Variants in PEX6 observed in about 807,000 individuals in gnomAD.
PEX6 encodes the protein peroxisomal biogenesis factor 6, also known as peroxisome biogenesis factor 6.
In PEX6, 55 loss-of-function variants were observed where a neutral mutation model predicts 85.6. The ratio of observed to expected loss-of-function variants is 0.64; its 90% CI spans 0.52 to 0.80. The LOEUF is 0.80. PEX6 is among the 30% of genes least tolerant of loss of function. The pLI is 0.00. For missense variants in PEX6, 1,099 were observed against 1,260.3 expected (o/e 0.87, Z 1.94); for synonymous variants, 519 against 549.1 (o/e 0.95, Z 0.77).
Position 42,979,030 on chromosome 6 carries a change from T to TCAGGGCCAGCAC in PEX6, c.109_120dup (p.Val37_Leu40dup). ...CCTGCCGGGCTCTCCCCTGCAGGCC[T>TCAGGGCCAGCAC]CAGGGCCAGCACCAGGCCCAGCTCC... is the stretch of plus-strand genomic sequence containing the variant. On this transcript the variant is annotated inframe_insertion, in exon 1 of 17. Coordinates refer to ENST00000304611, the MANE Select transcript of PEX6 (RefSeq NM_000287.4). 1 of 1,531,406 alleles carries TCAGGGCCAGCAC rather than the reference T, an allele frequency of 6.5e-7. No individual in the cohort carries two copies. Among genetic ancestry groups the TCAGGGCCAGCAC allele is most frequent in the African/African-American group, 1.4e-5 (1 of 72,880 alleles). The allele number at this position is 1,531,406 out of a possible 1,614,324, so 94.9% of individuals were successfully genotyped here.
At chr6:42,977,663 G>A (rs907044641) in intron 1 of PEX6, among the ~76,000 whole-genome samples, 3 of 148,718 alleles carry the variant, frequency 2.0e-5, no homozygotes, top group Non-Finnish European at 4.5e-5. Context: ...GCCAGTAGTA[G>A]GAGGCTGAGA....
In PEX6 at chr6:42,974,070, C is replaced by T. The variant is rs1770167738; in HGVS notation, c.1063G>A (p.Asp355Asn). 1 of 1,613,948 alleles carries T rather than the reference C, an allele frequency of 6.2e-7. No individual in the cohort carries two copies. The highest frequency in any genetic ancestry group is 8.5e-7 in the Non-Finnish European group (1 of 1,179,868). The change falls in exon 3 of 17, where the codon GAT becomes AAT. Residue 355 changes from aspartate (D) to asparagine (N), a missense_variant. Physicochemically the swap from Asp to Asn is conservative, Grantham distance 23. Coordinates refer to ENST00000304611, the MANE Select transcript of PEX6 (RefSeq NM_000287.4). ...FQIPRVVQEGDVLCVPTIGQV... is the reference protein window; with the variant it reads ...FQIPRVVQEGNVLCVPTIGQV... ...CCAATTGTTGGCACACATAGAACAT[C>T]CCCTTCCTGGACTACCCTGCAACAC...
rs1315935379 is a variant in PEX6, at chr6:42,974,008, C to A, written c.1125G>T (p.Leu375=). The change falls in exon 3 of 17, where the codon CTG becomes CTT. Residue 375 remains leucine, a synonymous_variant. Coordinates refer to ENST00000304611, the MANE Select transcript of PEX6 (RefSeq NM_000287.4). The part of the protein sequence containing the change: ...VEILEGSPEK[L]PRWREMFFKV... The stretch of plus-strand genomic sequence containing the variant: ...GACAGAAGGCAGCTGCATACCTGGG[C>A]AGTTTCTCTGGACTTCCTTCCAGGA... The A allele has an allele frequency of 4.3e-6, 7 of 1,612,646 alleles. No individual in the cohort carries two copies. Among genetic ancestry groups the A allele is most frequent in the Non-Finnish European group, 5.9e-6 (7 of 1,178,742 alleles).
At chr6:42,969,625 T>TA (rs746760742) in intron 5 of PEX6, 43 bp downstream of exon 5, 1 of 1,611,472 alleles carries the variant, frequency 6.2e-7, no homozygotes, top group Non-Finnish European at 8.5e-7. Context: ...AGGGATGTTC[T>TA]AAGCAGGCTT....
Position 42,965,717 on chromosome 6 carries a change from C to T in PEX6, c.2435G>A (p.Arg812Gln), listed in dbSNP as rs61753229. ...FDELDSLAPS[R>Q]GRSGDSGGVM... is the part of the protein sequence containing the mutation. ...TCCTCCAGAATCTCCACTTCGCCCCCGGCTTGGGGCCAAAGAGTCCAGTTC... is the reference window on the plus strand; with the variant it reads ...TCCTCCAGAATCTCCACTTCGCCCCTGGCTTGGGGCCAAAGAGTCCAGTTC... The change falls in exon 13 of 17, where the codon CGG (arginine) becomes CAG (glutamine). Residue 812 changes from arginine to glutamine, a missense_variant. Arg to Gln is a conservative substitution (Grantham distance 43). Coordinates refer to ENST00000304611, the MANE Select transcript of PEX6 (RefSeq NM_000287.4). The surrounding 1 kb of genome is among the most constrained non-coding windows in gnomAD (Gnocchi z 5.0). 8.7e-6 allele frequency: 14 copies of T among 1,613,976 alleles called. No individual in the cohort carries two copies. The highest frequency in any genetic ancestry group is 1.7e-5 in the Admixed American group (1 of 60,006).
intron 1 of PEX6, among the ~76,000 whole-genome samples, chr6:42,976,126 T>C (rs1474037663): frequency 6.6e-6 from 1 of 152,024 alleles, no homozygotes. Flanking sequence ...TCTCCTGACC[T>C]TGTGATCTGC....
Position 42,978,985 on chromosome 6 carries a change from C to G in PEX6, c.166G>C (p.Ala56Pro). Residue 56 changes from alanine to proline, a missense_variant, in exon 1 of 17, where the codon GCC (alanine) becomes CCC (proline). Transcript: ENST00000304611. ...SPAGPALLVA[A>P]LEGPDAGTEE... is the part of the protein sequence containing the mutation. ...GTGCCCGCGTCCGGCCCCTCCAGGGCTGCCACCAGCAGCGCCGGCCCTGCC... is the reference window on the plus strand; with the variant it reads ...GTGCCCGCGTCCGGCCCCTCCAGGGGTGCCACCAGCAGCGCCGGCCCTGCC... 6.6e-7 allele frequency: 1 copy of G among 1,511,466 alleles called. No homozygotes were observed. Among genetic ancestry groups the G allele is most frequent in the Non-Finnish European group, 8.8e-7 (1 of 1,137,386 alleles). 93.6% of individuals were successfully genotyped at this position (1,511,466 alleles called of 1,614,324 possible). A position where few individuals can be genotyped will look rare whatever the true frequency, so the allele number is the denominator to read the frequency against.
intron 10 of PEX6, 26 bp from the exon 11 acceptor site, chr6:42,966,473 G>C: frequency 6.2e-7 from 1 of 1,614,126 alleles, no homozygotes. Flanking sequence ...TGCGTGGTTG[G>C]GATATGCTCT....
chr6:42,975,360 T>C (rs9462857), intron 1 of PEX6, among the ~76,000 whole-genome samples: 62,121 of 152,060 alleles, frequency 0.41, 13,018 homozygotes, highest in Non-Finnish European at 0.45. Flanking sequence ...ACACCAGGCA[T>C]CCACAGGGAT....
Position 42,965,737 on chromosome 6 carries a change from C to G in PEX6, c.2415G>C (p.Leu805=), listed in dbSNP as rs1232284111. ...GCCCCCGGCTTGGGGCCAAAGAGTC[C>G]AGTTCATCAAAGAAGATAATGCATG... ...AAPCIIFFDE[L]DSLAPSRGRS... Residue 805 remains leucine, a synonymous_variant, in exon 13 of 17, where the codon CTG becomes CTC. Transcript: ENST00000304611. The surrounding 1 kb of genome is among the most constrained non-coding windows in gnomAD (Gnocchi z 5.0). The G allele has an allele frequency of 6.2e-7, 1 of 1,613,934 alleles. No individual in the cohort carries two copies. Among genetic ancestry groups the G allele is most frequent in the Non-Finnish European group, 8.5e-7 (1 of 1,180,010 alleles).
rs2114238184 is a variant in PEX6 at position 42,965,593 on chromosome 6, T to C, written c.2471+88A>G. ...TCAGAACTGAAACAGCAGGAACTTC[T>C]ATCTCTGGACTCTGAAGACTGCTGT... On this transcript the variant is annotated intron_variant, in intron 13 of 16. Transcript: ENST00000304611. The surrounding 1 kb of genome is among the most constrained non-coding windows in gnomAD (Gnocchi z 5.0). The C allele has an allele frequency of 3.0e-6, 3 of 1,012,342 alleles. No individual in the cohort carries two copies. Among genetic ancestry groups the C allele is most frequent in the South Asian group, 1.3e-5 (1 of 78,348 alleles). 62.7% of individuals were successfully genotyped at this position (1,012,342 alleles called of 1,614,324 possible).
At position 42,965,245 on chromosome 6, in the gene PEX6, G is replaced by A; in HGVS notation, c.2588+7C>T. On this transcript the variant is annotated splice_region_variant and intron_variant, in intron 14 of 16. Transcript: ENST00000304611. The surrounding 1 kb of genome is among the most constrained non-coding windows in gnomAD (Gnocchi z 5.0). Reference sequence around the variant, plus strand: ...GAGGGTGGAGATGAGCAGTACAAGGGGCCCACCTGCCAGGCCGCAGAAGGG... The same window carrying A: ...GAGGGTGGAGATGAGCAGTACAAGGAGCCCACCTGCCAGGCCGCAGAAGGG... 6.2e-7 allele frequency: 1 copy of A among 1,611,610 alleles called. No homozygotes were observed. The highest frequency in any genetic ancestry group is 8.5e-7 in the Non-Finnish European group (1 of 1,177,676).
At position 42,966,321 on chromosome 6, in the gene PEX6, G is replaced by A. The variant is rs558449356; in HGVS notation, c.2221C>T (p.Leu741=). The change falls in exon 11 of 17, where the codon CTG becomes TTG. Residue 741 remains leucine (L), a synonymous_variant. Coordinates refer to ENST00000304611, the MANE Select transcript of PEX6 (RefSeq NM_000287.4). Reference sequence around the variant, plus strand: ...CCGGTGCCAGGGGGCCCATGGAGCAGAAGGCCTGAGCGTCTCAGGCCCAGG... The same window carrying A: ...CCGGTGCCAGGGGGCCCATGGAGCAAAAGGCCTGAGCGTCTCAGGCCCAGG... ...LSLGLRRSGL[L]LHGPPGTGKT... is the part of the protein sequence containing the mutation. 6.2e-6 allele frequency: 10 copies of A among 1,613,382 alleles called. No individual in the cohort carries two copies. In the South Asian group the frequency reaches 9.9e-5, roughly 16 times the overall value.
chr6:42,974,464 T>G (rs11751733), intron 2 of PEX6, among the ~76,000 whole-genome samples: 2,972 of 137,818 alleles, frequency 0.022, 61 homozygotes, highest in Middle Eastern at 0.035. Context: ...TTTTTTTTTT[T>G]TTTTTTTTTT....
At chr6:42,969,587 G>A (rs575161366) in intron 5 of PEX6, 81 bp downstream of exon 5, 2 of 1,563,742 alleles carry the variant, frequency 1.3e-6, no homozygotes, top group Non-Finnish European at 8.8e-7. Flanking sequence ...AGTTCATTAG[G>A]AACTACCCAT....
chr6:42,977,579 G>A (rs548866145), intron 1 of PEX6, among the ~76,000 whole-genome samples: 17 of 151,770 alleles, frequency 1.1e-4, no homozygotes, highest in Non-Finnish European at 2.5e-4. Context: ...AGGAGTTCGA[G>A]ACCAGCCTGA....
intron 1 of PEX6, among the ~76,000 whole-genome samples, chr6:42,976,250 T>C (rs1770294816): frequency 6.6e-6 from 1 of 152,122 alleles, no homozygotes; most frequent in Non-Finnish European, 1.5e-5. Context: ...AATTTAAAAA[T>C]TTAAAAAGCC....
chr6:42,970,093 C>A, intron 3 of PEX6, 106 bp from the exon 4 acceptor site: 1 of 860,622 alleles, frequency 1.2e-6, no homozygotes, highest in Non-Finnish European at 2.0e-6. Context: ...ACCACAAGAG[C>A]GTGTCCCGAG....
chr6:42,967,286 C>T, intron 8 of PEX6, 82 bp downstream of exon 8: 2 of 1,396,150 alleles, frequency 1.4e-6, no homozygotes, highest in Non-Finnish European at 1.0e-6. Context: ...TCTACTCTCA[C>T]TCACAAGGCA....
Sources: gnomAD v4.1 joint callset for allele counts (sites outside exome capture counted in the v4.1 genomes callset) on GRCh38, gnomAD v4.1.1 for gene constraint, Gnocchi (gnomAD v3.1) non-coding constraint, MANE v1.5 for transcripts, NCBI Gene and HGNC (gene_info 2026-07-23, HGNC 2026-07-21) for gene names.